IL1RAPL2: variants seen among roughly 807,000 people sequenced by gnomAD.
IL1RAPL2 encodes the protein interleukin 1 receptor accessory protein like 2, also known as X-linked interleukin-1 receptor accessory protein-like 2.
Under a neutral mutation model 44.1 loss-of-function variants are expected in IL1RAPL2, and 3 were observed. The ratio of observed to expected loss-of-function variants is 0.07; its 90% CI spans 0.03 to 0.18. The LOEUF (loss-of-function observed/expected upper bound fraction) is 0.18. Ranked by LOEUF, IL1RAPL2 falls within the 10% of genes least tolerant of loss-of-function variation. The pLI is 1.00. For synonymous variants in IL1RAPL2, 181 were observed against 178.8 expected (o/e 1.01, Z -0.10); for missense variants, 391 against 496.4 (o/e 0.79, Z 2.02).
At chrX:104,868,662 G>T (rs935292056) in intron 2 of IL1RAPL2, among the ~76,000 whole-genome samples, 1 of 112,301 alleles carries the variant, frequency 8.9e-6, no homozygotes, top group African/African-American at 3.2e-5. Context: ...ATAAATCCAA[G>T]ATCTCCTGTG....
intron 5 of IL1RAPL2, among the ~76,000 whole-genome samples, chrX:105,450,983 T>A (rs983085493): frequency 9.2e-6 from 1 of 109,167 alleles, no homozygotes; most frequent in Non-Finnish European, 1.9e-5. Context: ...AGTGTTGATA[T>A]GAGGGTTTTT....
At chrX:104,733,726 T>TA (rs1370162317) in intron 2 of IL1RAPL2, among the ~76,000 whole-genome samples, 1 of 109,616 alleles carries the variant, frequency 9.1e-6, no homozygotes, top group East Asian at 2.8e-4. Flanking sequence ...GAAAATACAA[T>TA]ACTATAAAAC....
intron 2 of IL1RAPL2, among the ~76,000 whole-genome samples, chrX:105,127,334 T>A (rs1250537599): frequency 2.7e-5 from 3 of 111,516 alleles, no homozygotes; most frequent in Admixed American, 1.9e-4. Flanking sequence ...CCAAAGGCTG[T>A]CAACCAAGTA....
intron 6 of IL1RAPL2, among the ~76,000 whole-genome samples, chrX:105,696,543 C>A (rs182931962): frequency 9.0e-6 from 1 of 111,359 alleles, no homozygotes; most frequent in East Asian, 2.9e-4. Flanking sequence ...CACATCCACC[C>A]CCCCCACAAA....
chrX:105,220,715 G>A (rs982662783), intron 3 of IL1RAPL2: 2 of 223,981 alleles, frequency 8.9e-6, no homozygotes, highest in Non-Finnish European at 8.1e-6. Flanking sequence ...GGCCAACGTC[G>A]GCTTTTACTC....
At chrX:105,511,647 C>A (rs1173415237) in intron 6 of IL1RAPL2, among the ~76,000 whole-genome samples, 1 of 111,320 alleles carries the variant, frequency 9.0e-6, no homozygotes, top group Non-Finnish European at 1.9e-5. Context: ...ACAACTGGAC[C>A]CGTGAACTTG....
At chrX:105,676,500 C>T (rs752700268) in intron 6 of IL1RAPL2, among the ~76,000 whole-genome samples, 12 of 111,488 alleles carry the variant, frequency 1.1e-4, no homozygotes, top group East Asian at 5.7e-4. Flanking sequence ...CAATAGAATC[C>T]GCTTAGGGAC....
At chrX:105,127,845 G>GA (rs1213165468) in intron 2 of IL1RAPL2, among the ~76,000 whole-genome samples, 2 of 110,492 alleles carry the variant, frequency 1.8e-5, no homozygotes, top group Non-Finnish European at 3.8e-5. Flanking sequence ...ACAGACAAAT[G>GA]AAAAAAATTT....
intron 2 of IL1RAPL2, among the ~76,000 whole-genome samples, chrX:105,176,560 C>T (rs896511650): frequency 9.1e-6 from 1 of 110,384 alleles, no homozygotes; most frequent in Non-Finnish European, 1.9e-5. Context: ...GAGCATGCTG[C>T]CTTCCGAAGG....
At position 105,363,308 on chromosome X, in the gene IL1RAPL2, A is replaced by T. The variant is rs1437879034; in HGVS notation, c.697+95767A>T. Among the ~76,000 whole-genome samples, 166 of 68,535 alleles carry T rather than the reference A, an allele frequency of 2.4e-3. 2 individuals are homozygous for T. Among genetic ancestry groups the T allele is most frequent in the African/African-American group, 0.01 (82 of 7,810 alleles). The allele number at this position is 68,535 out of a possible 115,157, so 59.5% of individuals were successfully genotyped here. Reference sequence around the variant, plus strand: ...ATATATAATATATATATATATATATAATATATATATATATATATATATTCT... The same window carrying T: ...ATATATAATATATATATATATATATTATATATATATATATATATATATTCT... On this transcript the variant is annotated intron_variant, in intron 5 of 10. Transcript: ENST00000372582.
intron 1 of IL1RAPL2, among the ~76,000 whole-genome samples, chrX:104,649,475 G>A (rs915897679): frequency 9.0e-6 from 1 of 111,063 alleles, no homozygotes; most frequent in Admixed American, 9.6e-5. Flanking sequence ...TAGCTAATAG[G>A]ACCTCAGGGC....
intron 6 of IL1RAPL2, among the ~76,000 whole-genome samples, chrX:105,666,761 C>T (rs140773599): frequency 0.065 from 7,212 of 111,193 alleles, 600 homozygotes; most frequent in African/African-American, 0.22. Context: ...CCTATCTTAT[C>T]CATATGGACA....
chrX:104,889,245 G>GT (rs1269554940), intron 2 of IL1RAPL2, among the ~76,000 whole-genome samples: 1 of 111,344 alleles, frequency 9.0e-6, no homozygotes, highest in Non-Finnish European at 1.9e-5. Context: ...CCCACCACTA[G>GT]TGAATGCCTG....
chrX:105,589,195 G>GTT (rs2037150698), intron 6 of IL1RAPL2, among the ~76,000 whole-genome samples: 1 of 111,919 alleles, frequency 8.9e-6, no homozygotes, highest in African/African-American at 3.2e-5. Context: ...CTTTTGAAAA[G>GTT]TATCTGTTCA....
intron 5 of IL1RAPL2, among the ~76,000 whole-genome samples, chrX:105,465,973 A>G (rs1324717858): frequency 1.8e-5 from 2 of 111,580 alleles, no homozygotes. Flanking sequence ...GGCATACATT[A>G]TCCCTGACAT....
intron 5 of IL1RAPL2, among the ~76,000 whole-genome samples, chrX:105,403,629 G>GT (rs1351389542): frequency 9.0e-6 from 1 of 111,623 alleles, no homozygotes; most frequent in Non-Finnish European, 1.9e-5. Context: ...CATTAATCAT[G>GT]TTTTTGTCAT....
chrX:105,084,073 T>C (rs2032448582), intron 2 of IL1RAPL2, among the ~76,000 whole-genome samples: 1 of 112,288 alleles, frequency 8.9e-6, no homozygotes, highest in Non-Finnish European at 1.9e-5. Flanking sequence ...CTGCCTAGAT[T>C]TCAGAGGATG....
intron 6 of IL1RAPL2, among the ~76,000 whole-genome samples, chrX:105,613,971 A>T: frequency 9.0e-6 from 1 of 111,634 alleles, no homozygotes; most frequent in Admixed American, 9.5e-5. Flanking sequence ...CTGATAATCA[A>T]ATTCAGTCAA....
intron 2 of IL1RAPL2, among the ~76,000 whole-genome samples, chrX:104,960,432 C>G (rs1374354467): frequency 8.9e-6 from 1 of 111,914 alleles, no homozygotes; most frequent in Non-Finnish European, 1.9e-5. Context: ...ATGCTATGCT[C>G]TTTCCTATTG....
Sources: allele counts gnomAD v4.1 joint callset (sites outside exome capture counted in the v4.1 genomes callset), GRCh38; gene constraint gnomAD v4.1.1; transcripts MANE v1.5; gene names NCBI Gene and HGNC (gene_info 2026-07-23, HGNC 2026-07-21).